DMD: variants seen among roughly 807,000 people sequenced by gnomAD.
The protein encoded by DMD is mutant dystrophin.
In DMD, 63 loss-of-function variants were observed where a neutral mutation model predicts 330.1. That is an observed-to-expected ratio of 0.19 (90% CI 0.16 to 0.24). The LOEUF is 0.24. DMD is among the 10% of genes least tolerant of loss of function. DMD has a pLI of 1.00. For missense variants in DMD, 3,344 were observed against 2,684.1 expected (o/e 1.25, Z -5.43); for synonymous variants, 1,223 against 959.8 (o/e 1.27, Z -5.07).
chrX:31,299,803 G>A (rs992542428), intron 62 of DMD, among the ~76,000 whole-genome samples: 28 of 106,444 alleles, frequency 2.6e-4, no homozygotes, highest in Non-Finnish European at 5.4e-4. Context: ...AAAAAAGGAT[G>A]GGGGGGATGA....
intron 44 of DMD, among the ~76,000 whole-genome samples, chrX:32,031,004 G>A (rs1378636925): frequency 9.0e-6 from 1 of 111,493 alleles, no homozygotes; most frequent in African/African-American, 3.3e-5. Flanking sequence ...CGTATAGAGG[G>A]CAGTTGTGAC....
chrX:32,982,869 C>T (rs970008051), intron 2 of DMD, among the ~76,000 whole-genome samples: 2 of 112,179 alleles, frequency 1.8e-5, no homozygotes, highest in Non-Finnish European at 3.8e-5. Flanking sequence ...TAAGGGGAAA[C>T]ACTCTCTGTT....
intron 1 of DMD, among the ~76,000 whole-genome samples, chrX:33,110,250 C>T (rs940524898): frequency 3.6e-5 from 4 of 111,017 alleles, no homozygotes; most frequent in Non-Finnish European, 5.7e-5. Flanking sequence ...TATGTACTTG[C>T]CTGTGTCTCT....
chrX:32,754,729 G>A (rs1255438996), intron 7 of DMD, among the ~76,000 whole-genome samples: 1 of 111,054 alleles, frequency 9.0e-6, no homozygotes, highest in Non-Finnish European at 1.9e-5. Context: ...AAAATATGAG[G>A]TCAATAAATA....
intron 51 of DMD, among the ~76,000 whole-genome samples, chrX:31,773,724 C>CTTTTTTTTTTTGTT (rs2090476541): frequency 1.9e-5 from 1 of 53,557 alleles, no homozygotes; most frequent in Non-Finnish European, 3.4e-5. Flanking sequence ...AAGGTTTCTG[C>CTTTTTTTTTTTGTT]TTTTTTTTTT....
At chrX:31,491,963 T>C (rs1315331221) in intron 57 of DMD, among the ~76,000 whole-genome samples, 2 of 112,340 alleles carry the variant, frequency 1.8e-5, no homozygotes, top group East Asian at 2.8e-4. Context: ...GTTTCAACTA[T>C]TGACATTTTA....
intron 51 of DMD, among the ~76,000 whole-genome samples, chrX:31,757,993 C>A (rs1263867424): frequency 9.1e-6 from 1 of 110,390 alleles, no homozygotes; most frequent in Non-Finnish European, 1.9e-5. Flanking sequence ...CTTACTAAGA[C>A]TGCGTCAGAG....
chrX:32,963,449 A>C (rs2147062009), intron 2 of DMD, among the ~76,000 whole-genome samples: 1 of 112,340 alleles, frequency 8.9e-6, no homozygotes, highest in East Asian at 2.8e-4. Context: ...AATTTGCAGA[A>C]GCAAAATCTC....
rs1346420102 is a variant in DMD, at chrX:32,408,909, T to TATCC, written c.4233+2839_4233+2842dup. Among the ~76,000 whole-genome samples the TATCC allele has an allele frequency of 8.2e-3, 820 of 100,384 alleles. 7 individuals carry two copies. The highest frequency in any genetic ancestry group is 0.028 in the African/African-American group (702 of 25,055). 87.2% of individuals were successfully genotyped at this position (100,384 alleles called of 115,157 possible). On this transcript the variant is annotated intron_variant, in intron 30 of 78. Coordinates refer to ENST00000357033, the MANE Select transcript of DMD (RefSeq NM_004006.3). ...CTATCTATCTATCTATCTATCTATC[T>TATCC]ATCCATCCATCAATCCATACATCCA...
At chrX:33,225,140 T>G (rs768131451) in intron 1 of DMD, among the ~76,000 whole-genome samples, 9 of 111,665 alleles carry the variant, frequency 8.1e-5, no homozygotes, top group Non-Finnish European at 1.3e-4. Flanking sequence ...TTACACAGTT[T>G]ACACAATTTT....
chrX:32,579,128 G>T (rs768924034), intron 13 of DMD, among the ~76,000 whole-genome samples: 3 of 111,295 alleles, frequency 2.7e-5, no homozygotes, highest in Non-Finnish European at 3.8e-5. Flanking sequence ...GGTATGGCTT[G>T]GTTCTCAGTT....
chrX:32,461,799 T>C (rs2098384331), intron 25 of DMD, among the ~76,000 whole-genome samples: 1 of 110,090 alleles, frequency 9.1e-6, no homozygotes, highest in Admixed American at 9.8e-5. Context: ...TAATCTATTA[T>C]TTAAGTAATA....
At chrX:32,504,747 C>A (rs228319) in intron 18 of DMD, among the ~76,000 whole-genome samples, 1 of 110,253 alleles carries the variant, frequency 9.1e-6, no homozygotes, top group East Asian at 2.9e-4. Flanking sequence ...AGAAACACTG[C>A]GGACTACTAG....
chrX:32,960,999 G>A (rs1317840406), intron 2 of DMD, among the ~76,000 whole-genome samples: 1 of 107,228 alleles, frequency 9.3e-6, no homozygotes, highest in Non-Finnish European at 1.9e-5. Context: ...TTGTTGAATA[G>A]TATTTTTCCC....
At chrX:31,788,286 C>G (rs6631400) in intron 50 of DMD, among the ~76,000 whole-genome samples, 28,940 of 111,187 alleles carry the variant, frequency 0.26, 2,731 homozygotes, top group East Asian at 0.44. Context: ...TGTATTATTA[C>G]AGTTGCTTCA....
At chrX:32,478,670 C>T (rs183933860) in intron 21 of DMD, among the ~76,000 whole-genome samples, 4 of 111,688 alleles carry the variant, frequency 3.6e-5, no homozygotes, top group Middle Eastern at 4.6e-3. Context: ...ATTCAATCAA[C>T]ATTTTAGCCC....
At chrX:31,228,515 G>C (rs2046897740) in intron 63 of DMD, among the ~76,000 whole-genome samples, 1 of 111,788 alleles carries the variant, frequency 8.9e-6, no homozygotes, top group East Asian at 2.8e-4. Context: ...TCTGCCTTAG[G>C]AAAGTGTGTA....
intron 1 of DMD, among the ~76,000 whole-genome samples, chrX:33,060,883 A>T (rs1412246063): frequency 9.0e-6 from 1 of 111,144 alleles, no homozygotes; most frequent in African/African-American, 3.3e-5. Flanking sequence ...GTTATGTATC[A>T]CTTGACAAAA....
At chrX:32,821,873 C>T (rs60776343) in intron 5 of DMD, among the ~76,000 whole-genome samples, 9,784 of 110,019 alleles carry the variant, frequency 0.089, 1,021 homozygotes, top group African/African-American at 0.29. Flanking sequence ...AAAATTAGAT[C>T]GCTATGATGG....
Sources: gnomAD v4.1 joint callset for allele counts (sites outside exome capture counted in the v4.1 genomes callset) on GRCh38, gnomAD v4.1.1 for gene constraint, MANE v1.5 for transcripts, NCBI Gene and HGNC (gene_info 2026-07-23, HGNC 2026-07-21) for gene names.